PCDH11X: variants seen among roughly 807,000 people sequenced by gnomAD.
The protein encoded by PCDH11X is protocadherin-11 X-linked.
A neutral mutation model predicts 53.3 loss-of-function variants in PCDH11X; 18 were observed. That is an observed-to-expected ratio of 0.34 (90% CI 0.23 to 0.50). The LOEUF (loss-of-function observed/expected upper bound fraction) is 0.50, where lower values mean the gene tolerates loss of function less well. PCDH11X is among the 20% of genes least tolerant of loss of function. The probability of loss-of-function intolerance (pLI) is 0.98; values close to 1 mark genes in which losing one functional copy is unlikely to be tolerated. For missense variants in PCDH11X, 570 were observed against 1,032.4 expected (o/e 0.55, Z 6.14); for synonymous variants, 279 against 393.3 (o/e 0.71, Z 3.44).
chrX:92,412,530 T>G (rs191838147), intron 9 of PCDH11X, among the ~76,000 whole-genome samples: 1 of 84,483 alleles, frequency 1.2e-5, no homozygotes, highest in Non-Finnish European at 2.2e-5. Flanking sequence ...TATATATATA[T>G]ATATATATAT....
chrX:91,899,463 A>G (rs1331956933), intron 6 of PCDH11X, among the ~76,000 whole-genome samples: 1 of 110,955 alleles, frequency 9.0e-6, no homozygotes, highest in Non-Finnish European at 1.9e-5. Flanking sequence ...CAACACCCTC[A>G]CAGACACATG....
chrX:91,879,622 T>G, intron 6 of PCDH11X: 1 of 955,798 alleles, frequency 1.0e-6, no homozygotes, highest in Non-Finnish European at 1.3e-6. Context: ...CAGAATAGTC[T>G]GGGCTAGATA....
intron 10 of PCDH11X, among the ~76,000 whole-genome samples, chrX:92,559,323 G>A (rs1035684616): frequency 6.3e-5 from 7 of 111,227 alleles, no homozygotes; most frequent in Non-Finnish European, 1.3e-4. Context: ...AAATATTGAT[G>A]CTTGTTAAAT....
intron 6 of PCDH11X, among the ~76,000 whole-genome samples, chrX:91,909,104 G>A (rs1343402934): frequency 9.0e-6 from 1 of 110,657 alleles, no homozygotes; most frequent in Non-Finnish European, 1.9e-5. Context: ...CTATTTTATT[G>A]TTATAAGAGT....
intron 6 of PCDH11X, chrX:92,113,132 A>T: frequency 1.3e-6 from 1 of 757,689 alleles, no homozygotes; most frequent in Non-Finnish European, 1.8e-6. Flanking sequence ...TTATTCAAAG[A>T]AAAAAAATGA....
chrX:91,835,754 A>C lies in PCDH11X; in HGVS notation c.250A>C (p.Ile84Leu). ...LIRIEEDTGE[I>L]FTTGARIDRE... ...TCGAATTGAAGAGGATACTGGTGAG[A>C]TCTTCACTACTGGCGCTCGCATTGA... Residue 84 changes from isoleucine (I) to leucine (L), a missense_variant, in exon 5 of 11, where the codon ATC (isoleucine) becomes CTC (leucine). Ile to Leu is a conservative substitution (Grantham distance 5). Transcript: ENST00000682573. 1 of 1,211,729 alleles carries C rather than the reference A, an allele frequency of 8.3e-7. No individual in the cohort carries two copies. Among genetic ancestry groups the C allele is most frequent in the Non-Finnish European group, 1.1e-6 (1 of 895,450 alleles).
intron 6 of PCDH11X, among the ~76,000 whole-genome samples, chrX:91,968,039 G>A (rs191575306): frequency 2.2e-3 from 249 of 111,754 alleles, no homozygotes; most frequent in African/African-American, 7.8e-3. Flanking sequence ...TTTGTTTCAC[G>A]TCTGGTTCTA....
chrX:92,357,045 A>T (rs1406931228), intron 8 of PCDH11X, among the ~76,000 whole-genome samples: 1 of 111,233 alleles, frequency 9.0e-6, no homozygotes, highest in Non-Finnish European at 1.9e-5. Flanking sequence ...CAAAGTTCAA[A>T]AATTCACGTC....
intron 9 of PCDH11X, among the ~76,000 whole-genome samples, chrX:92,445,192 C>CTTTTT (rs778466088): frequency 0.033 from 534 of 16,357 alleles, no homozygotes; most frequent in East Asian, 0.057. Context: ...TGGTCCAGGG[C>CTTTTT]TTTTTTTTTT....
rs79910041 is a variant in PCDH11X at position 92,359,202 on chromosome X, A to T, written c.3145-28533A>T. 2.8e-3 allele frequency among the ~76,000 whole-genome samples: 294 copies of T among 106,570 alleles called. 6 individuals carry two copies. In the East Asian group the frequency reaches 0.051, roughly 19 times the overall value. 92.5% of individuals were successfully genotyped at this position (106,570 alleles called of 115,157 possible). On this transcript the variant is annotated intron_variant, in intron 8 of 10. Coordinates refer to ENST00000682573, the MANE Select transcript of PCDH11X (RefSeq NM_032968.5). ...ATTATTTTGTGTATGAGTTATCTTC[A>T]TATTTTGGAGTGTGCAGAAGTGATT...
intron 8 of PCDH11X, among the ~76,000 whole-genome samples, chrX:92,370,464 T>TC (rs1190904754): frequency 4.7e-4 from 49 of 104,375 alleles, no homozygotes; most frequent in African/African-American, 1.7e-3. Context: ...TTTTTTCTTT[T>TC]TTTTTTTTTT....
intron 7 of PCDH11X, among the ~76,000 whole-genome samples, chrX:92,211,938 G>A (rs1603185678): frequency 9.2e-6 from 1 of 108,905 alleles, no homozygotes. Context: ...TTAAATGTTA[G>A]ACTATGCTTG....
chrX:92,554,004 A>G (rs2075006442), intron 10 of PCDH11X, among the ~76,000 whole-genome samples: 1 of 110,648 alleles, frequency 9.0e-6, no homozygotes, highest in South Asian at 3.8e-4. Context: ...TCAAATTGGA[A>G]GAATACTAGA....
chrX:91,978,889 A>G (rs1365308293), intron 6 of PCDH11X, among the ~76,000 whole-genome samples: 1 of 111,927 alleles, frequency 8.9e-6, no homozygotes, highest in Non-Finnish European at 1.9e-5. Flanking sequence ...TTCAGGGCAT[A>G]GCCTAATTCT....
rs193178956 is a variant in PCDH11X, at chrX:92,480,333, T to C, written c.3367+12011T>C. Among the ~76,000 whole-genome samples, 1,097 of 111,489 alleles carry C rather than the reference T, an allele frequency of 9.8e-3. 11 individuals carry two copies. The highest frequency in any genetic ancestry group is 0.035 in the African/African-American group (1,063 of 30,547). On this transcript the variant is annotated intron_variant, in intron 10 of 10. Coordinates refer to ENST00000682573, the MANE Select transcript of PCDH11X (RefSeq NM_032968.5). ...CAATGATCTTAGTTTCTATTCATAT[T>C]CTGAATTCAATTTCTGTCATGTCAG...
At chrX:92,040,514 G>A (rs1226683570) in intron 6 of PCDH11X, among the ~76,000 whole-genome samples, 1 of 111,404 alleles carries the variant, frequency 9.0e-6, no homozygotes, top group Non-Finnish European at 1.9e-5. Flanking sequence ...TCTCCCAAGT[G>A]CAAAGATTCT....
At chrX:91,881,245 C>T (rs991939303) in intron 6 of PCDH11X, among the ~76,000 whole-genome samples, 2 of 110,446 alleles carry the variant, frequency 1.8e-5, no homozygotes, top group African/African-American at 6.6e-5. Context: ...CCTAAAAAGT[C>T]ATTAAAAATA....
chrX:92,004,494 A>G (rs1283357850), intron 6 of PCDH11X, among the ~76,000 whole-genome samples: 3 of 111,090 alleles, frequency 2.7e-5, no homozygotes, highest in Non-Finnish European at 5.7e-5. Flanking sequence ...TGAAGTCTCC[A>G]GTTATTATTG....
intron 8 of PCDH11X, among the ~76,000 whole-genome samples, chrX:92,304,665 A>G (rs1437459184): frequency 8.9e-6 from 1 of 111,786 alleles, no homozygotes; most frequent in Non-Finnish European, 1.9e-5. Context: ...AGATTCAGGG[A>G]CATTAAGTAA....
Sources: allele counts gnomAD v4.1 joint callset (sites outside exome capture counted in the v4.1 genomes callset), GRCh38; gene constraint gnomAD v4.1.1; transcripts MANE v1.5; gene names NCBI Gene and HGNC (gene_info 2026-07-23, HGNC 2026-07-21).